Variants in PDE11A observed in about 807,000 individuals in gnomAD.
PDE11A encodes the protein phosphodiesterase 11A, also known as dual 3',5'-cyclic-AMP and -GMP phosphodiesterase 11A.
Under a neutral mutation model 100.5 loss-of-function variants are expected in PDE11A, and 100 were observed. That is an observed-to-expected ratio of 1.00 (90% CI 0.85 to 1.18). PDE11A has a LOEUF of 1.18. PDE11A is among the 50% of genes most tolerant of loss of function. The pLI, the probability that PDE11A is intolerant of heterozygous loss-of-function variation, is 0.00. For missense variants in PDE11A, 1,141 were observed against 1,152.6 expected, an observed-to-expected ratio of 0.99 and a Z score of 0.15; for synonymous variants, 381 against 420.8, an observed-to-expected ratio of 0.91 and a Z score of 1.16.
chr2:178,102,546 T>C (rs190761304), intron 2 of PDE11A, among the ~76,000 whole-genome samples: 87 of 151,106 alleles, frequency 5.8e-4, no homozygotes, highest in African/African-American at 2.0e-3. Context: ...AGTACAGGGA[T>C]TACAGGCATA....
intron 19 of PDE11A, among the ~76,000 whole-genome samples, chr2:177,648,213 GC>G (rs1463389054): frequency 6.6e-6 from 1 of 152,098 alleles, no homozygotes; most frequent in Non-Finnish European, 1.5e-5. Flanking sequence ...TCATTAGCTG[GC>G]CTTCTCTTTG....
rs368058518 is a variant in PDE11A, at chr2:177,725,864, G to A, written c.2043+1794C>T. On this transcript the variant is annotated intron_variant, in intron 12 of 19. Transcript: ENST00000286063. ...GTTATAAAAATCTGTCTCTGTCCTT[G>A]ACATTTCTAACTCAAAAATGTCACA... Among the ~76,000 whole-genome samples, 136 of 152,194 alleles carry A rather than the reference G, an allele frequency of 8.9e-4. 1 individual carries two copies. The South Asian group carries it at 0.011, about 13-fold the overall frequency.
At chr2:177,634,045 G>A (rs1304030916) in intron 19 of PDE11A, among the ~76,000 whole-genome samples, 1 of 151,830 alleles carries the variant, frequency 6.6e-6, no homozygotes, top group Non-Finnish European at 1.5e-5. Context: ...TTTCTTCCCT[G>A]GCAGGTACCC....
intron 5 of PDE11A, among the ~76,000 whole-genome samples, chr2:177,866,261 C>T (rs888000586): frequency 6.6e-6 from 1 of 152,192 alleles, no homozygotes; most frequent in African/African-American, 2.4e-5. Flanking sequence ...TCCCCTGGAG[C>T]TGTTCCCCGT....
At chr2:177,963,292 G>A (rs34699522) in intron 2 of PDE11A, among the ~76,000 whole-genome samples, 15,891 of 152,052 alleles carry the variant, frequency 0.1, 1,143 homozygotes, top group Non-Finnish European at 0.15. Context: ...GGATTCCAGA[G>A]GAAACATCAA....
chr2:177,825,100 T>G (rs1167953370), intron 6 of PDE11A, among the ~76,000 whole-genome samples: 1 of 152,166 alleles, frequency 6.6e-6, no homozygotes, highest in East Asian at 1.9e-4. Flanking sequence ...TGAAAATGGC[T>G]TACTGAATTT....
intron 9 of PDE11A, among the ~76,000 whole-genome samples, chr2:177,814,237 C>T (rs961974962): frequency 3.3e-5 from 5 of 151,808 alleles, no homozygotes; most frequent in African/African-American, 7.3e-5. Flanking sequence ...AAATATTACA[C>T]TTACACATAT....
At chr2:178,095,139 A>G (rs946053729) in intron 2 of PDE11A, among the ~76,000 whole-genome samples, 6 of 152,168 alleles carry the variant, frequency 3.9e-5, no homozygotes, top group Admixed American at 6.5e-5. Flanking sequence ...TCATTTCAGC[A>G]TTAACTCAAA....
chr2:177,810,427 CA>C (rs1458161224), intron 9 of PDE11A, among the ~76,000 whole-genome samples: 2 of 152,064 alleles, frequency 1.3e-5, no homozygotes, highest in Non-Finnish European at 2.9e-5. Context: ...CAAACAGGAA[CA>C]AAAAAGCTTT....
chr2:177,660,031 T>TTTTCTTTCTTTC lies in PDE11A; in HGVS notation c.2646+3823_2646+3834dup, dbSNP rs1173068300. 8.4e-4 allele frequency among the ~76,000 whole-genome samples: 105 copies of TTTTCTTTCTTTC among 125,632 alleles called. 3 individuals carry two copies. Among genetic ancestry groups the TTTTCTTTCTTTC allele is most frequent in the African/African-American group, 2.0e-3 (67 of 34,026 alleles). 82.4% of individuals were successfully genotyped at this position (125,632 alleles called of 152,430 possible). ...TCACGACTTCATCCTGTTACAATCA[T>TTTTCTTTCTTTC]TTTCTTTCTTTCTTTCTTTCTTTCT... On this transcript the variant is annotated intron_variant, in intron 19 of 19. Transcript: ENST00000286063.
chr2:177,706,066 A>T (rs913432260), intron 13 of PDE11A, among the ~76,000 whole-genome samples: 5 of 152,230 alleles, frequency 3.3e-5, no homozygotes, highest in Non-Finnish European at 7.3e-5. Context: ...CTACCTATTG[A>T]TCATTCATTG....
intron 19 of PDE11A, among the ~76,000 whole-genome samples, chr2:177,638,971 T>A (rs957808531): frequency 2.6e-5 from 4 of 152,158 alleles, no homozygotes; most frequent in African/African-American, 9.7e-5. Flanking sequence ...CCTCTGCAGA[T>A]CTCTGGGCTT....
chr2:177,878,810 ATT>A (rs2084283687), intron 4 of PDE11A, among the ~76,000 whole-genome samples: 7 of 152,294 alleles, frequency 4.6e-5, no homozygotes, highest in African/African-American at 1.7e-4. Context: ...GCAGCAAATT[ATT>A]TGGACATGAC....
At chr2:178,020,294 C>G (rs776913878) in intron 1 of PDE11A, among the ~76,000 whole-genome samples, 1 of 152,150 alleles carries the variant, frequency 6.6e-6, no homozygotes. Context: ...GGGTCTCTTA[C>G]CGACCAAAAC....
rs1039882149 is a variant in PDE11A at position 177,820,120 on chromosome 2, G to C, written c.1576+100C>G. On this transcript the variant is annotated intron_variant, in intron 7 of 19. Transcript: ENST00000286063. ...GTGAGACATAGTTTGATGAGTCCTG[G>C]CCATAAAAAGAGGGAACACATAAAA... 18 of 720,140 alleles carry C rather than the reference G, an allele frequency of 2.5e-5. No homozygotes were observed. The African/African-American group carries it at 2.7e-4, about 11-fold the overall frequency. 44.6% of individuals were successfully genotyped at this position (720,140 alleles called of 1,614,324 possible). A position where few individuals can be genotyped will look rare whatever the true frequency, so the allele number is the denominator to read the frequency against.
intron 18 of PDE11A, among the ~76,000 whole-genome samples, chr2:177,666,489 A>G (rs997455035): frequency 7.9e-5 from 12 of 152,240 alleles, no homozygotes; most frequent in African/African-American, 2.4e-4. Flanking sequence ...TTTTCAAAAC[A>G]GCTGCACCAT....
intron 9 of PDE11A, among the ~76,000 whole-genome samples, chr2:177,804,915 A>G (rs887046089): frequency 2.0e-5 from 3 of 151,868 alleles, no homozygotes; most frequent in Non-Finnish European, 2.9e-5. Flanking sequence ...ATTAATAGAC[A>G]TGGAAGGCTA....
intron 9 of PDE11A, among the ~76,000 whole-genome samples, chr2:177,777,728 T>C (rs969467840): frequency 4.6e-5 from 7 of 152,202 alleles, no homozygotes; most frequent in Admixed American, 4.6e-4. Flanking sequence ...TCATACTCTA[T>C]GAGAAACAGG....
intron 5 of PDE11A, among the ~76,000 whole-genome samples, chr2:177,843,948 G>A (rs2083533469): frequency 6.6e-6 from 1 of 152,122 alleles, no homozygotes. Context: ...GAGGAGGTGA[G>A]ATTCAAACTG....
Sources: allele counts gnomAD v4.1 joint callset (sites outside exome capture counted in the v4.1 genomes callset), GRCh38; gene constraint gnomAD v4.1.1; transcripts MANE v1.5; gene names NCBI Gene and HGNC (gene_info 2026-07-23, HGNC 2026-07-21).